Variants in RBFOX1 observed in about 807,000 individuals in gnomAD.
RBFOX1 encodes RNA binding protein fox-1 homolog 1.
A neutral mutation model predicts 57.7 loss-of-function variants in RBFOX1; 8 were observed. That is an observed-to-expected ratio of 0.14 (90% CI 0.08 to 0.25). The LOEUF (loss-of-function observed/expected upper bound fraction) is 0.25, where lower values mean the gene tolerates loss of function less well. RBFOX1 is among the 10% of genes least tolerant of loss of function. RBFOX1 has a pLI of 1.00. For synonymous variants in RBFOX1, 326 were observed against 222.4 expected (o/e 1.47, Z -4.15); for missense variants, 611 against 548.5 (o/e 1.11, Z -1.14).
At chr16:5,968,294 C>G (rs1045945587) in intron 4 of RBFOX1, among the ~76,000 whole-genome samples, 3 of 152,086 alleles carry the variant, frequency 2.0e-5, no homozygotes, top group African/African-American at 7.2e-5. Context: ...CGGCTGGTCT[C>G]AAACTCCTGA....
At chr16:6,165,289 T>A (rs576524106) in intron 1 of RBFOX1, among the ~76,000 whole-genome samples, 4 of 152,204 alleles carry the variant, frequency 2.6e-5, no homozygotes, top group Non-Finnish European at 5.9e-5. Context: ...ATTGTTTTTA[T>A]ATTTACTTTT....
At chr16:6,325,418 A>G (rs577352997) in intron 2 of RBFOX1, among the ~76,000 whole-genome samples, 1 of 152,360 alleles carries the variant, frequency 6.6e-6, no homozygotes, top group South Asian at 2.1e-4. Flanking sequence ...TTCACCTTCT[A>G]TTAGCTTTAA....
At chr16:5,738,292 G>C (rs529773879) in intron 3 of RBFOX1, among the ~76,000 whole-genome samples, 1 of 152,080 alleles carries the variant, frequency 6.6e-6, no homozygotes, top group Non-Finnish European at 1.5e-5. Flanking sequence ...ACGTCTCTAT[G>C]TGTTAGGTAT....
chr16:6,086,501 T>TA (rs2096086426), intron 1 of RBFOX1, among the ~76,000 whole-genome samples: 1 of 43,424 alleles, frequency 2.3e-5, no homozygotes, highest in Non-Finnish European at 7.5e-5. Flanking sequence ...CATTGAGGCC[T>TA]GAGTGTTCTT....
intron 2 of RBFOX1, among the ~76,000 whole-genome samples, chr16:6,511,997 A>C (rs750330379): frequency 2.0e-5 from 3 of 152,122 alleles, no homozygotes; most frequent in Admixed American, 6.5e-5. Flanking sequence ...CAAGCAGGAC[A>C]TGGTGGCTTA....
chr16:6,418,941 C>A (rs1042373691), intron 2 of RBFOX1, among the ~76,000 whole-genome samples: 3 of 152,088 alleles, frequency 2.0e-5, no homozygotes, highest in Admixed American at 1.3e-4. Flanking sequence ...TACTGGGGAG[C>A]AGAAGGAAAG....
chr16:6,614,673 G>T (rs12918001), intron 2 of RBFOX1, among the ~76,000 whole-genome samples: 2 of 151,960 alleles, frequency 1.3e-5, no homozygotes, highest in African/African-American at 4.8e-5. Context: ...CTAGTGATTT[G>T]CCCCACAGTC....
At chr16:6,344,785 G>T (rs2085113582) in intron 2 of RBFOX1, among the ~76,000 whole-genome samples, 1 of 148,150 alleles carries the variant, frequency 6.7e-6, no homozygotes, top group Admixed American at 6.9e-5. Flanking sequence ...CCACCACCTG[G>T]GTTCAAGCGA....
chr16:7,442,856 C>T (rs150382363), intron 4 of RBFOX1, among the ~76,000 whole-genome samples: 2 of 151,996 alleles, frequency 1.3e-5, no homozygotes, highest in Admixed American at 6.6e-5. Context: ...CAGGACCTGG[C>T]CTATGGCCCC....
At chr16:6,788,732 C>A (rs1290363480) in intron 3 of RBFOX1, among the ~76,000 whole-genome samples, 1 of 148,420 alleles carries the variant, frequency 6.7e-6, no homozygotes, top group South Asian at 2.1e-4. Flanking sequence ...GCCTCGGCCT[C>A]CCAGAGTGCT....
intron 4 of RBFOX1, among the ~76,000 whole-genome samples, chr16:7,097,998 C>G (rs574018735): frequency 5.9e-5 from 9 of 152,006 alleles, no homozygotes; most frequent in Non-Finnish European, 1.3e-4. Context: ...CAAGAATCTT[C>G]GAGGGCATTT....
intron 4 of RBFOX1, among the ~76,000 whole-genome samples, chr16:5,926,733 C>G (rs1487843328): frequency 1.3e-5 from 2 of 152,204 alleles, no homozygotes; most frequent in African/African-American, 4.8e-5. Flanking sequence ...TCATGAGAAT[C>G]GCTTTTCCTC....
intron 3 of RBFOX1, among the ~76,000 whole-genome samples, chr16:5,725,826 C>T (rs554947358): frequency 1.3e-5 from 2 of 151,924 alleles, no homozygotes; most frequent in Admixed American, 1.3e-4. Context: ...TGCCAGCTCT[C>T]CGAGTTCTCT....
Position 7,460,646 on chromosome 16 carries a change from T to G in RBFOX1, c.28-57501T>G, listed in dbSNP as rs540459959. Among the ~76,000 whole-genome samples the G allele has an allele frequency of 3.3e-5, 5 of 151,524 alleles. No homozygotes were observed. In the South Asian group the frequency reaches 1.0e-3, roughly 32 times the overall value. ...GCTTAATATCTGAGTGATGAAATAATCTGCACAACAAACCACCATGACACA... is the reference window on the plus strand; with the variant it reads ...GCTTAATATCTGAGTGATGAAATAAGCTGCACAACAAACCACCATGACACA... On this transcript the variant is annotated intron_variant, in intron 4 of 15. Transcript: ENST00000550418.
chr16:7,089,659 C>G (rs561355889), intron 4 of RBFOX1, among the ~76,000 whole-genome samples: 1 of 152,242 alleles, frequency 6.6e-6, no homozygotes, highest in South Asian at 2.1e-4. Context: ...ATTTGCAACT[C>G]AAAGCAGAGG....
At chr16:6,938,027 C>G (rs1391205827) in intron 3 of RBFOX1, among the ~76,000 whole-genome samples, 1 of 151,738 alleles carries the variant, frequency 6.6e-6, no homozygotes, top group African/African-American at 2.4e-5. Context: ...TTACGCAAGT[C>G]TGTAGAAATG....
At chr16:6,213,045 G>T (rs1047489948) in intron 1 of RBFOX1, among the ~76,000 whole-genome samples, 2 of 152,110 alleles carry the variant, frequency 1.3e-5, no homozygotes, top group Non-Finnish European at 2.9e-5. Context: ...TAACCTTGTA[G>T]GCTTTTAAAA....
At chr16:5,474,839 G>A (rs1007178885) in intron 2 of RBFOX1, among the ~76,000 whole-genome samples, 12 of 152,216 alleles carry the variant, frequency 7.9e-5, no homozygotes, top group Admixed American at 3.3e-4. Flanking sequence ...ATATTGTCCC[G>A]TACATATTCT....
intron 14 of RBFOX1, among the ~76,000 whole-genome samples, chr16:7,702,751 C>T (rs1276269898): frequency 6.6e-6 from 1 of 152,160 alleles, no homozygotes; most frequent in Admixed American, 6.5e-5. Flanking sequence ...AATGTATGTT[C>T]CAGATGCAGT....
Sources: allele counts gnomAD v4.1 joint callset (sites outside exome capture counted in the v4.1 genomes callset), GRCh38; gene constraint gnomAD v4.1.1; transcripts MANE v1.5; gene names NCBI Gene and HGNC (gene_info 2026-07-23, HGNC 2026-07-21).